Variants in SAFB observed in about 807,000 individuals in gnomAD.
SAFB encodes scaffold attachment factor B1.
Under a neutral mutation model 101.6 loss-of-function variants are expected in SAFB, and 15 were observed. The ratio of observed to expected loss-of-function variants is 0.15; its 90% CI spans 0.10 to 0.23. The LOEUF (loss-of-function observed/expected upper bound fraction) is 0.23. Ranked by LOEUF, SAFB falls within the 10% of genes least tolerant of loss-of-function variation. The pLI, the probability that SAFB is intolerant of heterozygous loss-of-function variation, is 1.00. For synonymous variants in SAFB, 449 were observed against 407.5 expected, an observed-to-expected ratio of 1.10 and a Z score of -1.23; for missense variants, 930 against 1,104.1, an observed-to-expected ratio of 0.84 and a Z score of 2.23.
chr19:5,650,050 A>T (rs575037699), intron 8 of SAFB, 75 bp downstream of exon 8: 8 of 1,134,900 alleles, frequency 7.0e-6, no homozygotes, highest in African/African-American at 1.5e-5. Context: ...ATTCTGGTTC[A>T]TCGCGTGCTA....
At chr19:5,627,941 A>G (rs994236299) in intron 2 of SAFB, among the ~76,000 whole-genome samples, 6 of 152,146 alleles carry the variant, frequency 3.9e-5, no homozygotes, top group Non-Finnish European at 8.8e-5. Context: ...GTAACACTCA[A>G]CTATTGGCTT....
intron 2 of SAFB, among the ~76,000 whole-genome samples, chr19:5,633,695 C>T (rs1373164787): frequency 2.0e-5 from 3 of 151,790 alleles, no homozygotes; most frequent in African/African-American, 7.3e-5. Context: ...AGGAGAATGG[C>T]GTGAACCCGG....
At position 5,630,963 on chromosome 19, in the gene SAFB, G is replaced by A. The variant is rs966415688; in HGVS notation, c.274+4474G>A. 2.4e-4 allele frequency among the ~76,000 whole-genome samples: 36 copies of A among 150,610 alleles called. No individual in the cohort carries two copies. The East Asian group carries it at 6.4e-3, about 27-fold the overall frequency. On this transcript the variant is annotated intron_variant, in intron 2 of 20. Coordinates refer to ENST00000588852, the MANE Select transcript of SAFB (RefSeq NM_001201338.2). ...TCCCAGCACTTTGGGAGGCTGAGGC[G>A]GGCAGATCACCTGAGGTCAGGAGTT... is the stretch of plus-strand genomic sequence containing the variant.
intron 7 of SAFB, 200 bp from the exon 8 acceptor site, chr19:5,649,726 T>A: frequency 1.2e-6 from 1 of 821,710 alleles, no homozygotes; most frequent in Non-Finnish European, 1.9e-6. Flanking sequence ...CCTAATTACC[T>A]TTAGCCCAGC....
At chr19:5,645,604 G>A (rs937449133) in intron 5 of SAFB, among the ~76,000 whole-genome samples, 15 of 152,176 alleles carry the variant, frequency 9.9e-5, no homozygotes, top group African/African-American at 3.4e-4. Context: ...AGGCTTCGAC[G>A]AGTGGCCTCC....
chr19:5,665,652 A>G (rs2054311948), intron 17 of SAFB: 1 of 152,138 alleles, frequency 6.6e-6, no homozygotes. Flanking sequence ...GCTTTCATGA[A>G]GGTGTTAGAT....
At chr19:5,642,254 A>C (rs925012288) in intron 4 of SAFB, among the ~76,000 whole-genome samples, 1 of 152,154 alleles carries the variant, frequency 6.6e-6, no homozygotes, top group Non-Finnish European at 1.5e-5. Flanking sequence ...GAAAGCATTG[A>C]ACTAGGAAGA....
At chr19:5,661,837 G>C (rs769357029) in intron 15 of SAFB, 29 bp downstream of exon 15, 1 of 1,463,614 alleles carries the variant, frequency 6.8e-7, no homozygotes, top group East Asian at 2.5e-5. Context: ...CCCTTAGCAC[G>C]TGGCGTTCAG....
At position 5,653,142 on chromosome 19, in the gene SAFB, G is replaced by A. The variant is rs2053976640; in HGVS notation, c.1321G>A (p.Ala441Thr). 1 of 1,614,046 alleles carries A rather than the reference G, an allele frequency of 6.2e-7. No individual in the cohort carries two copies. The highest frequency in any genetic ancestry group is 8.5e-7 in the Non-Finnish European group (1 of 1,180,022). Residue 441 changes from alanine (A) to threonine (T), a missense_variant, in exon 10 of 21, where the codon GCC becomes ACC. Transcript: ENST00000588852. ...KVVGAKVVTN[A>T]RSPGARCYGF... ...GGTGGGCGCCAAGGTTGTGACAAAT[G>A]CCCGGAGTCCTGGAGCTCGCTGTTA...
At chr19:5,643,932 T>C (rs933925757) in intron 4 of SAFB, among the ~76,000 whole-genome samples, 9 of 152,186 alleles carry the variant, frequency 5.9e-5, no homozygotes, top group Admixed American at 5.9e-4. Flanking sequence ...GACAAACTCC[T>C]TAACCTCTGC....
chr19:5,636,520 T>G (rs902717657), intron 2 of SAFB, among the ~76,000 whole-genome samples: 1 of 152,104 alleles, frequency 6.6e-6, no homozygotes, highest in Non-Finnish European at 1.5e-5. Flanking sequence ...TGTTATCAGT[T>G]TGATAGTCCC....
chr19:5,624,528 C>T (rs1599304396), intron 1 of SAFB, among the ~76,000 whole-genome samples: 1 of 152,188 alleles, frequency 6.6e-6, no homozygotes, highest in African/African-American at 2.4e-5. Context: ...TTTTTTCCAC[C>T]TGGCTACTCT....
intron 2 of SAFB, among the ~76,000 whole-genome samples, chr19:5,632,503 C>T (rs547417148): frequency 5.4e-4 from 83 of 152,314 alleles, no homozygotes; most frequent in African/African-American, 1.9e-3. Context: ...TCTTAGTCCT[C>T]ATTTAGATTC....
chr19:5,638,174 G>C (rs1180809118), intron 2 of SAFB, among the ~76,000 whole-genome samples: 3 of 152,144 alleles, frequency 2.0e-5, no homozygotes, highest in Non-Finnish European at 2.9e-5. Flanking sequence ...TCATCAATTA[G>C]TAAGAAAAAT....
At chr19:5,648,833 C>G (rs572933476) in intron 6 of SAFB, 156 bp from the exon 7 acceptor site, 8 of 574,098 alleles carry the variant, frequency 1.4e-5, no homozygotes, top group African/African-American at 1.1e-4. Context: ...GGTAGTGTAA[C>G]CAGTATAACT....
In SAFB at chr19:5,667,751, G is replaced by T; in HGVS notation, c.2558-69G>T. Reference sequence around the variant, plus strand: ...GGGCCTCACCAAAGGGAGTGGAGTGGGCTAAATGTGCCGTGGGTTCCACGC... The same window carrying T: ...GGGCCTCACCAAAGGGAGTGGAGTGTGCTAAATGTGCCGTGGGTTCCACGC... On this transcript the variant is annotated intron_variant, in intron 19 of 20. Transcript: ENST00000588852. The surrounding 1 kb of genome is among the most constrained non-coding windows in gnomAD (Gnocchi z 4.0). 1 of 1,515,452 alleles carries T rather than the reference G, an allele frequency of 6.6e-7. No individual in the cohort carries two copies. The highest frequency in any genetic ancestry group is 1.1e-5 in the South Asian group (1 of 87,724). 93.9% of individuals were successfully genotyped at this position (1,515,452 alleles called of 1,614,324 possible). A position where few individuals can be genotyped will look rare whatever the true frequency, so the allele number is the denominator to read the frequency against.
intron 2 of SAFB, among the ~76,000 whole-genome samples, chr19:5,633,118 A>G (rs2053524045): frequency 6.6e-6 from 1 of 152,170 alleles, no homozygotes; most frequent in South Asian, 2.1e-4. Context: ...GTTCCTGTCT[A>G]TTCATTTATT....
intron 2 of SAFB, among the ~76,000 whole-genome samples, chr19:5,630,076 G>T (rs1430349008): frequency 2.0e-5 from 3 of 152,196 alleles, no homozygotes; most frequent in Non-Finnish European, 4.4e-5. Flanking sequence ...GTCCCAGGTT[G>T]TACCCTACCA....
chr19:5,634,180 G>A (rs1315621482), intron 2 of SAFB, among the ~76,000 whole-genome samples: 5 of 152,112 alleles, frequency 3.3e-5, no homozygotes, highest in Non-Finnish European at 7.4e-5. Context: ...TTTCCTAGAT[G>A]TGATGACTTT....
Sources: gnomAD v4.1 joint callset for allele counts (sites outside exome capture counted in the v4.1 genomes callset) on GRCh38, gnomAD v4.1.1 for gene constraint, Gnocchi (gnomAD v3.1) non-coding constraint, MANE v1.5 for transcripts, NCBI Gene and HGNC (gene_info 2026-07-23, HGNC 2026-07-21) for gene names.